ZNF362: variants seen among roughly 807,000 people sequenced by gnomAD.
ZNF362 encodes the protein zinc finger protein 362.
In ZNF362, 11 loss-of-function variants were observed where a neutral mutation model predicts 42.9. The ratio of observed to expected loss-of-function variants is 0.26; its 90% CI spans 0.16 to 0.42. ZNF362 has a LOEUF of 0.42. Ranked by LOEUF, ZNF362 falls within the 20% of genes least tolerant of loss-of-function variation. The pLI is 1.00. For missense variants in ZNF362, 362 were observed against 576.2 expected (o/e 0.63, Z 3.81); for synonymous variants, 255 against 257.3 (o/e 0.99, Z 0.09).
At chr1:33,295,422 G>C in intron 8 of ZNF362, 117 bp downstream of exon 8, 1 of 915,954 alleles carries the variant, frequency 1.1e-6, no homozygotes, top group Non-Finnish European at 1.6e-6. Context: ...ACAAATTGAG[G>C]CCTAGAGAAG....
the ZNF362 span, among the ~76,000 whole-genome samples, chr1:33,185,639 C>G: frequency 6.6e-6 from 1 of 152,314 alleles, no homozygotes; most frequent in Non-Finnish European, 1.5e-5. Context: ...TGTTGATTAT[C>G]TTTACATTTG....
the ZNF362 span, among the ~76,000 whole-genome samples, chr1:33,213,631 T>C: frequency 4.6e-5 from 7 of 151,946 alleles, no homozygotes; most frequent in Non-Finnish European, 7.4e-5. Flanking sequence ...TGGATCACGA[T>C]GTCAAGAGAT....
chr1:33,276,249 G>A, intron 3 of ZNF362, 86 bp downstream of exon 3: 1 of 1,589,876 alleles, frequency 6.3e-7, no homozygotes. Flanking sequence ...CCTGCGGGGA[G>A]CGGGGTGAGG....
the ZNF362 span, among the ~76,000 whole-genome samples, chr1:33,243,659 C>T: frequency 2.0e-5 from 3 of 150,784 alleles, no homozygotes; most frequent in Non-Finnish European, 4.4e-5. Flanking sequence ...TGCAGTGGTG[C>T]GATCTCAGCT....
intron 6 of ZNF362, among the ~76,000 whole-genome samples, chr1:33,282,682 T>A (rs541526130): frequency 6.6e-6 from 1 of 151,760 alleles, no homozygotes; most frequent in Non-Finnish European, 1.5e-5. Context: ...ATTAGCTGGG[T>A]GTGGTGGTGG....
chr1:33,253,237 G>T (rs1476076257), upstream of ZNF362, among the ~76,000 whole-genome samples: 1 of 145,368 alleles, frequency 6.9e-6, no homozygotes, highest in Non-Finnish European at 1.5e-5. Flanking sequence ...GGCTGGATTT[G>T]GGGGGAAAGG....
At chr1:33,219,914 C>T in the ZNF362 span, among the ~76,000 whole-genome samples, 1 of 152,184 alleles carries the variant, frequency 6.6e-6, no homozygotes, top group African/African-American at 2.4e-5. Flanking sequence ...TACCCCAACT[C>T]CCCCTAGATA....
At chr1:33,242,459 C>T in the ZNF362 span, among the ~76,000 whole-genome samples, 1 of 152,132 alleles carries the variant, frequency 6.6e-6, no homozygotes, top group South Asian at 2.1e-4. Flanking sequence ...ACTCTCTGCA[C>T]ATAGCATCAC....
the ZNF362 span, among the ~76,000 whole-genome samples, chr1:33,159,148 G>A: frequency 6.6e-6 from 1 of 151,960 alleles, no homozygotes; most frequent in African/African-American, 2.4e-5. This position sits in a 1 kb window ranked among gnomAD's most constrained non-coding sequence, Gnocchi z 4.2. Context: ...CCCAGCAGGA[G>A]CCTCAGTTTC....
the ZNF362 span, among the ~76,000 whole-genome samples, chr1:33,128,228 G>T: frequency 7.0e-6 from 1 of 142,468 alleles, no homozygotes; most frequent in Non-Finnish European, 1.5e-5. Context: ...AAAAAAATCA[G>T]CCAGGCGTGG....
chr1:33,218,978 C>CATACAT, the ZNF362 span, among the ~76,000 whole-genome samples: 1 of 134,340 alleles, frequency 7.4e-6, no homozygotes, highest in Non-Finnish European at 1.7e-5. Flanking sequence ...CACACACACA[C>CATACAT]ACATACACCA....
intron 2 of ZNF362, among the ~76,000 whole-genome samples, chr1:33,270,821 A>G (rs1005496379): frequency 1.3e-5 from 2 of 151,970 alleles, no homozygotes; most frequent in African/African-American, 4.8e-5. Flanking sequence ...CTGGGTCCCC[A>G]TCAGTCCACA....
chr1:33,148,110 A>G, the ZNF362 span, among the ~76,000 whole-genome samples: 2 of 151,984 alleles, frequency 1.3e-5, no homozygotes, highest in African/African-American at 4.8e-5. Flanking sequence ...CCCTAGGGGG[A>G]ATGGGGAAAT....
chr1:33,171,580 C>T, the ZNF362 span, among the ~76,000 whole-genome samples: 5 of 152,188 alleles, frequency 3.3e-5, no homozygotes, highest in Admixed American at 1.3e-4. Flanking sequence ...TTGTGCTGGC[C>T]GCTCCAGGGG....
At chr1:33,189,720 C>CATATATATATATATATATATAT in the ZNF362 span, among the ~76,000 whole-genome samples, 1 of 83,898 alleles carries the variant, frequency 1.2e-5, no homozygotes, top group Non-Finnish European at 2.4e-5. Context: ...TATATATATA[C>CATATATATATATATATATATAT]ATACACACAT....
chr1:33,212,757 A>G, the ZNF362 span, among the ~76,000 whole-genome samples: 1 of 152,158 alleles, frequency 6.6e-6, no homozygotes, highest in African/African-American at 2.4e-5. Context: ...TTCATGAGGG[A>G]TACTCCCCCA....
At chr1:33,210,120 T>A in the ZNF362 span, among the ~76,000 whole-genome samples, 3 of 152,218 alleles carry the variant, frequency 2.0e-5, no homozygotes, top group Non-Finnish European at 2.9e-5. Flanking sequence ...GATTCTGGTA[T>A]GTTGTGTCTT....
At chr1:33,147,456 G>T in the ZNF362 span, 1 of 1,614,026 alleles carries the variant, frequency 6.2e-7, no homozygotes, top group Non-Finnish European at 8.5e-7. This position sits in a 1 kb window ranked among gnomAD's most constrained non-coding sequence, Gnocchi z 8.1. Context: ...AGAAGCCGCG[G>T]CTGGGCTGGA....
chr1:33,213,656 C>G, the ZNF362 span, among the ~76,000 whole-genome samples: 2 of 151,998 alleles, frequency 1.3e-5, no homozygotes, highest in Non-Finnish European at 2.9e-5. Flanking sequence ...ACCATCCTGG[C>G]CAACATGGTG....
Sources: allele counts gnomAD v4.1 joint callset (sites outside exome capture counted in the v4.1 genomes callset), GRCh38; gene constraint gnomAD v4.1.1; non-coding constraint Gnocchi (gnomAD v3.1); transcripts MANE v1.5; gene names NCBI Gene and HGNC (gene_info 2026-07-23, HGNC 2026-07-21).